CDHR2: variants seen among roughly 807,000 people sequenced by gnomAD.
The protein encoded by CDHR2 is cadherin related family member 2.
In CDHR2, 104 loss-of-function variants were observed where a neutral mutation model predicts 138.6. The observed-to-expected ratio is 0.75, with a 90% CI of 0.64 to 0.88. The LOEUF is 0.88. Among genes scored for constraint, CDHR2 ranks in the 40% least tolerant of loss-of-function variants. The probability of loss-of-function intolerance (pLI) is 0.00; values close to 1 mark genes in which losing one functional copy is unlikely to be tolerated. For missense variants in CDHR2, 1,624 were observed against 1,727.6 expected (o/e 0.94, Z 1.06); for synonymous variants, 755 against 742.8 (o/e 1.02, Z -0.27).
chr5:176,575,725 C>T lies in CDHR2; in HGVS notation c.846C>T (p.Tyr282=). 6.3e-7 allele frequency: 1 copy of T among 1,580,350 alleles called. No individual in the cohort carries two copies. The highest frequency in any genetic ancestry group is 8.6e-7 in the Non-Finnish European group (1 of 1,162,710). Residue 282 remains tyrosine, a splice_region_variant and synonymous_variant, in exon 11 of 32, where the codon TAC becomes TAT. Transcript: ENST00000261944. ...INDPVIYSIS[Y]STRPGWFDIG... ...CTGTTCCGCCTTTCTCCTTGCCAGA[C>T]TCCACGCGGCCCGGCTGGTTTGACA...
At chr5:176,572,464 G>A (rs76323438) in intron 6 of CDHR2, among the ~76,000 whole-genome samples, 12,237 of 152,088 alleles carry the variant, frequency 0.08, 598 homozygotes, top group South Asian at 0.16. Context: ...TGAGGAGACC[G>A]TCTCTTTCTC....
intron 18 of CDHR2, 63 bp from the exon 19 acceptor site, chr5:176,584,347 G>A (rs562788637): frequency 6.2e-7 from 1 of 1,612,272 alleles, no homozygotes; most frequent in South Asian, 1.1e-5. Flanking sequence ...AGAGAGGCAA[G>A]GGCAGAGGAG....
chr5:176,576,310 A>G lies in CDHR2; in HGVS notation c.1194+125A>G. 2.6e-6 allele frequency: 2 copies of G among 755,030 alleles called. No homozygotes were observed. The highest frequency in any genetic ancestry group is 4.4e-6 in the Non-Finnish European group (2 of 458,978). The allele number at this position is 755,030 out of a possible 1,614,324, so 46.8% of individuals were successfully genotyped here. A position where few individuals can be genotyped will look rare whatever the true frequency, so the allele number is the denominator to read the frequency against. On this transcript the variant is annotated intron_variant, in intron 12 of 31. Transcript: ENST00000261944. This position sits in a 1 kb window ranked among gnomAD's most constrained non-coding sequence, Gnocchi z 4.5. ...GTGGTGCAGGGTGTGATGGCGGAGA[A>G]TGGGGGTGCTGGGTGCTCTCTGGAA... is the stretch of plus-strand genomic sequence containing the variant.
intron 21 of CDHR2, among the ~76,000 whole-genome samples, chr5:176,587,248 G>A (rs1447044108): frequency 6.6e-6 from 1 of 152,100 alleles, no homozygotes; most frequent in Non-Finnish European, 1.5e-5. Context: ...GGGAGTCTGC[G>A]ACCAGCCTGA....
downstream of CDHR2, chr5:176,595,922 G>T (rs768002048): frequency 2.6e-6 from 1 of 384,744 alleles, no homozygotes; most frequent in East Asian, 4.0e-5. Context: ...GCACAGGGGG[G>T]ACAAGGGGCT....
chr5:176,562,985 G>C (rs138345876), intron 1 of CDHR2, among the ~76,000 whole-genome samples: 2,339 of 152,272 alleles, frequency 0.015, 56 homozygotes, highest in African/African-American at 0.053. Context: ...GAATGAGCTG[G>C]AGCCGGTCTG....
At chr5:176,566,415 A>G (rs1194602569) in intron 3 of CDHR2, among the ~76,000 whole-genome samples, 2 of 152,246 alleles carry the variant, frequency 1.3e-5, no homozygotes. Flanking sequence ...CCTAGATACC[A>G]CATTCCCAGA....
intron 21 of CDHR2, among the ~76,000 whole-genome samples, chr5:176,587,843 T>C (rs1170330438): frequency 2.6e-5 from 4 of 152,200 alleles, no homozygotes; most frequent in East Asian, 3.8e-4. Flanking sequence ...CCTCTCTAGG[T>C]TGACGTTCAT....
Position 176,589,408 on chromosome 5 carries a change from T to C in CDHR2, c.3087T>C (p.Gly1029=), listed in dbSNP as rs747269231. ...TVQARDRPSL[G]PFLEATTTLN... is the part of the protein sequence containing the mutation. ...AGGCCAGGGACAGACCTTCCTTGGGTCCTTTCCTGGAAGCCACCACCACCC... is the reference window on the plus strand; with the variant it reads ...AGGCCAGGGACAGACCTTCCTTGGGCCCTTTCCTGGAAGCCACCACCACCC... Residue 1029 remains glycine (G), a synonymous_variant, in exon 23 of 32, where the codon GGT becomes GGC. Transcript: ENST00000261944. The C allele has an allele frequency of 6.3e-7, 1 of 1,582,672 alleles. No individual in the cohort carries two copies. The highest frequency in any genetic ancestry group is 8.6e-7 in the Non-Finnish European group (1 of 1,162,488).
At chr5:176,569,470 G>A (rs1485756940) in intron 5 of CDHR2, among the ~76,000 whole-genome samples, 1 of 151,810 alleles carries the variant, frequency 6.6e-6, no homozygotes, top group Non-Finnish European at 1.5e-5. Flanking sequence ...TTTTAGTAGA[G>A]ACGGGGTTTC....
At chr5:176,554,645 T>TTTTTTG (rs574640631) in intron 1 of CDHR2, among the ~76,000 whole-genome samples, 4 of 151,862 alleles carry the variant, frequency 2.6e-5, no homozygotes, top group Middle Eastern at 3.4e-3. Flanking sequence ...TCTAGAAGGG[T>TTTTTTG]TTTTTGTTTT....
intron 1 of CDHR2, among the ~76,000 whole-genome samples, chr5:176,562,520 C>A (rs933929516): frequency 1.3e-5 from 2 of 152,132 alleles, no homozygotes; most frequent in Non-Finnish European, 2.9e-5. Flanking sequence ...GGAAGCCATC[C>A]TCTACCCCCA....
chr5:176,568,736 G>A lies in CDHR2; in HGVS notation c.183G>A (p.Gly61=), dbSNP rs1373092958. ...AGGACAATGACCCTCTGACCTATGG[G>A]ATGAGCGGCCCCAATGCCTACTTCT... is the stretch of plus-strand genomic sequence containing the variant. ...EDQDNDPLTY[G]MSGPNAYFFA... The change falls in exon 4 of 32, where the codon GGG becomes GGA. Residue 61 remains glycine (G), a synonymous_variant. Transcript: ENST00000261944. 1.2e-6 allele frequency: 2 copies of A among 1,614,234 alleles called. No individual in the cohort carries two copies. Among genetic ancestry groups the A allele is most frequent in the African/African-American group, 1.3e-5 (1 of 75,068 alleles).
At chr5:176,560,017 C>T (rs1026573777) in intron 1 of CDHR2, among the ~76,000 whole-genome samples, 57 of 152,310 alleles carry the variant, frequency 3.7e-4, no homozygotes, top group African/African-American at 1.3e-3. Flanking sequence ...CGCTTGCTGT[C>T]TCTGGGAATT....
chr5:176,580,610 C>G (rs1022999311), intron 16 of CDHR2, among the ~76,000 whole-genome samples: 1 of 151,804 alleles, frequency 6.6e-6, no homozygotes, highest in Non-Finnish European at 1.5e-5. Flanking sequence ...GTGGCTCACG[C>G]CTGTATGTAA....
chr5:176,555,030 C>CATTCA (rs1757791331), intron 1 of CDHR2, among the ~76,000 whole-genome samples: 2 of 152,208 alleles, frequency 1.3e-5, no homozygotes. Flanking sequence ...CCACGAGTCT[C>CATTCA]TTGCTATTCA....
intron 3 of CDHR2, among the ~76,000 whole-genome samples, chr5:176,567,949 C>A (rs548649570): frequency 2.8e-4 from 42 of 152,344 alleles, no homozygotes; most frequent in Admixed American, 5.2e-4. Flanking sequence ...AAAAGAAATG[C>A]AACTTTCTTG....
chr5:176,588,420 AGT>A (rs10577284), intron 21 of CDHR2, among the ~76,000 whole-genome samples: 47,659 of 146,920 alleles, frequency 0.32, 9,085 homozygotes, highest in Non-Finnish European at 0.43. Context: ...TGAGGGTGTG[AGT>A]GTGTGTGTCA....
intron 1 of CDHR2, among the ~76,000 whole-genome samples, chr5:176,562,710 C>T (rs1757992745): frequency 6.6e-6 from 1 of 152,106 alleles, no homozygotes; most frequent in South Asian, 2.1e-4. Flanking sequence ...CGGCCAAGAC[C>T]AGAGACAGAC....
Sources: allele counts gnomAD v4.1 joint callset (sites outside exome capture counted in the v4.1 genomes callset), GRCh38; gene constraint gnomAD v4.1.1; non-coding constraint Gnocchi (gnomAD v3.1); transcripts MANE v1.5; gene names NCBI Gene and HGNC (gene_info 2026-07-23, HGNC 2026-07-21).